SLCO2A1: variants seen among roughly 807,000 people sequenced by gnomAD.
SLCO2A1 encodes solute carrier organic anion transporter family member 2A1, also known as matrin F/G 1.
A neutral mutation model predicts 71.7 loss-of-function variants in SLCO2A1; 60 were observed. The observed-to-expected ratio is 0.84, with a 90% confidence interval of 0.68 to 1.04. The LOEUF (loss-of-function observed/expected upper bound fraction) is 1.04, where lower values mean the gene tolerates loss of function less well. Ranked by LOEUF, SLCO2A1 falls within the 50% of genes least tolerant of loss-of-function variation. The pLI is 0.00. For missense variants in SLCO2A1, 745 were observed against 813.4 expected, an observed-to-expected ratio of 0.92 and a Z score of 1.02; for synonymous variants, 308 against 326.7, an observed-to-expected ratio of 0.94 and a Z score of 0.62.
intron 1 of SLCO2A1, among the ~76,000 whole-genome samples, chr3:133,989,008 G>C (rs1934776256): frequency 1.3e-5 from 2 of 152,218 alleles, no homozygotes; most frequent in Non-Finnish European, 2.9e-5. Flanking sequence ...AAGGATCAAA[G>C]GCTACTCTCC....
At chr3:133,994,826 A>T (rs573720880) in intron 1 of SLCO2A1, among the ~76,000 whole-genome samples, 26 of 151,546 alleles carry the variant, frequency 1.7e-4, no homozygotes, top group African/African-American at 6.1e-4. Flanking sequence ...GCTTCTTCCA[A>T]CTCCAAACCA....
chr3:133,968,793 C>T (rs188713732), intron 3 of SLCO2A1, among the ~76,000 whole-genome samples: 24 of 152,316 alleles, frequency 1.6e-4, no homozygotes, highest in Non-Finnish European at 2.9e-4. Flanking sequence ...AAAACCTCTC[C>T]GCGCCTTCCA....
chr3:134,009,357 C>A (rs1935284957), intron 1 of SLCO2A1, among the ~76,000 whole-genome samples: 1 of 152,170 alleles, frequency 6.6e-6, no homozygotes, highest in Non-Finnish European at 1.5e-5. Context: ...AGAGAATGAA[C>A]TCTTCCCCCA....
Position 134,029,329 on chromosome 3 carries a change from G to A in SLCO2A1, c.96+378C>T, listed in dbSNP as rs181465652. On this transcript the variant is annotated intron_variant, in intron 1 of 13. Coordinates refer to ENST00000310926, the MANE Select transcript of SLCO2A1 (RefSeq NM_005630.3). ...CCCATTGACGAAGTAACCGCCCGCT[G>A]GAGGCCGAAAAAGCGTTCCTCGAGA... 9.8e-5 allele frequency among the ~76,000 whole-genome samples: 15 copies of A among 152,288 alleles called. 1 individual carries two copies. Among genetic ancestry groups the A allele is most frequent in the Non-Finnish European group, 1.9e-4 (13 of 68,022 alleles).
At chr3:134,000,865 C>T (rs1284434524) in intron 1 of SLCO2A1, among the ~76,000 whole-genome samples, 1 of 152,200 alleles carries the variant, frequency 6.6e-6, no homozygotes, top group Non-Finnish European at 1.5e-5. Context: ...TCCCTGAGAC[C>T]AGAGCTTTGT....
rs556669546 is a variant in SLCO2A1, at chr3:133,985,224, G to A, written c.97-5606C>T. Among the ~76,000 whole-genome samples the A allele has an allele frequency of 3.3e-4, 51 of 152,270 alleles. No individual in the cohort carries two copies. In the South Asian group the frequency reaches 8.5e-3, roughly 25 times the overall value. On this transcript the variant is annotated intron_variant, in intron 1 of 13. Transcript: ENST00000310926. ...GAGAAAACAAATTGGAAAACATAAC[G>A]TACTACAATCCTCCCTCACGAATAT...
intron 1 of SLCO2A1, among the ~76,000 whole-genome samples, chr3:134,015,997 CA>C (rs904221468): frequency 6.6e-6 from 1 of 151,334 alleles, no homozygotes; most frequent in Non-Finnish European, 1.5e-5. Flanking sequence ...ACAAAACAAA[CA>C]AAAAAAACAC....
chr3:134,024,199 AT>A (rs1323608225), intron 1 of SLCO2A1, among the ~76,000 whole-genome samples: 1 of 152,234 alleles, frequency 6.6e-6, no homozygotes. Flanking sequence ...CCAATTGGCT[AT>A]CCCTTTCACC....
chr3:133,940,861 A>G (rs543050374), intron 11 of SLCO2A1, among the ~76,000 whole-genome samples: 2 of 152,140 alleles, frequency 1.3e-5, no homozygotes, highest in African/African-American at 2.4e-5. Flanking sequence ...TGTAGTTGCA[A>G]TGAGCAACTC....
intron 1 of SLCO2A1, among the ~76,000 whole-genome samples, chr3:133,995,404 G>A (rs775446665): frequency 6.6e-5 from 10 of 152,134 alleles, no homozygotes; most frequent in Non-Finnish European, 1.5e-4. Context: ...TCCGTACCAA[G>A]CTACTTACAT....
At position 133,951,227 on chromosome 3, in the gene SLCO2A1, G is replaced by A. The variant is rs772212922; in HGVS notation, c.842C>T (p.Ala281Val). Residue 281 changes from alanine (A) to valine (V), a missense_variant, in exon 6 of 14, where the codon GCA (alanine) becomes GTA (valine). By Grantham distance (64) the Ala-to-Val change is moderately conservative. Coordinates refer to ENST00000310926, the MANE Select transcript of SLCO2A1 (RefSeq NM_005630.3). ...TSFPFFFFPR[A>V]MPIGAKRAPA... ...CCTTACCTTTGCTCCTATGGGCATT[G>A]CTCGAGGGAAGAAAAAAAAGGGGAA... 2.0e-5 allele frequency: 32 copies of A among 1,613,960 alleles called. No homozygotes were observed. Among genetic ancestry groups the A allele is most frequent in the Non-Finnish European group, 2.7e-5 (32 of 1,180,024 alleles).
Position 133,955,038 on chromosome 3 carries a change from C to T in SLCO2A1, c.553G>A (p.Val185Met), listed in dbSNP as rs1171338585. The change falls in exon 4 of 14, where the codon GTG becomes ATG. Residue 185 changes from valine to methionine, a missense_variant. Transcript: ENST00000310926. ...VAQLLAGIGT[V>M]PIQPFGISYV... is the part of the protein sequence containing the mutation. ...GAGATCCCAAATGGCTGAATAGGCACTGTCCCGATGCCAGCCAGCAGCTGG... is the reference window on the plus strand; with the variant it reads ...GAGATCCCAAATGGCTGAATAGGCATTGTCCCGATGCCAGCCAGCAGCTGG... 6.2e-7 allele frequency: 1 copy of T among 1,614,216 alleles called. No individual in the cohort carries two copies. Among genetic ancestry groups the T allele is most frequent in the Non-Finnish European group, 8.5e-7 (1 of 1,180,040 alleles).
chr3:134,029,162 C>A (rs1439352944), intron 1 of SLCO2A1, among the ~76,000 whole-genome samples: 1 of 152,082 alleles, frequency 6.6e-6, no homozygotes, highest in African/African-American at 2.4e-5. Context: ...GGTAGCAGAG[C>A]CCCCCGCCCC....
chr3:133,993,107 C>A (rs1010294642), intron 1 of SLCO2A1, among the ~76,000 whole-genome samples: 2 of 152,244 alleles, frequency 1.3e-5, no homozygotes, highest in African/African-American at 4.8e-5. Flanking sequence ...GAGTTTTGCT[C>A]CTGCTGGAGT....
chr3:133,950,462 C>T (rs1442718165), intron 6 of SLCO2A1, among the ~76,000 whole-genome samples: 7 of 152,098 alleles, frequency 4.6e-5, no homozygotes, highest in South Asian at 4.2e-4. Flanking sequence ...CCCAGCTCTC[C>T]GACAACCATT....
intron 7 of SLCO2A1, 80 bp downstream of exon 7, chr3:133,948,812 AC>A: frequency 6.3e-7 from 1 of 1,588,024 alleles, no homozygotes. Flanking sequence ...CGCACACAAC[AC>A]CACAGGGGCT....
At position 133,951,294 on chromosome 3, in the gene SLCO2A1, G is replaced by A; in HGVS notation, c.775C>T (p.Leu259=). The A allele has an allele frequency of 6.2e-7, 1 of 1,614,176 alleles. No individual in the cohort carries two copies. Among genetic ancestry groups the A allele is most frequent in the Non-Finnish European group, 8.5e-7 (1 of 1,180,032 alleles). Residue 259 remains leucine (L), a synonymous_variant, in exon 6 of 14, where the codon CTA becomes TTA. Coordinates refer to ENST00000310926, the MANE Select transcript of SLCO2A1 (RefSeq NM_005630.3). ...GDPRWIGAWW[L]GLLISSALLV... ...AAAGCTGAAGAAATGAGCAGGCCTA[G>A]CCACCAGGCTCCAATCCATCGGGGG...
intron 11 of SLCO2A1, among the ~76,000 whole-genome samples, chr3:133,938,752 G>A (rs1299036776): frequency 3.9e-5 from 6 of 151,992 alleles, no homozygotes; most frequent in South Asian, 2.1e-4. Flanking sequence ...TTACTGAGTC[G>A]GAAAGTCTGG....
rs187906550 is a variant in SLCO2A1 at position 133,955,277 on chromosome 3, G to A, written c.398-84C>T. The A allele has an allele frequency of 8.1e-5, 102 of 1,255,608 alleles. No homozygotes were observed. In the Admixed American group the frequency reaches 2.0e-3, roughly 25 times the overall value. 77.8% of individuals were successfully genotyped at this position (1,255,608 alleles called of 1,614,324 possible). On this transcript the variant is annotated intron_variant, in intron 3 of 13. Transcript: ENST00000310926. ...CCTCCAAACCCGGCCTTTCTCCCAG[G>A]CCCCTTGGGGAAGGACCAACTTTGG... is the stretch of plus-strand genomic sequence containing the variant.
Sources: allele counts gnomAD v4.1 joint callset (sites outside exome capture counted in the v4.1 genomes callset), GRCh38; gene constraint gnomAD v4.1.1; transcripts MANE v1.5; gene names NCBI Gene and HGNC (gene_info 2026-07-23, HGNC 2026-07-21).